Variants in VPS13B observed in about 807,000 individuals in gnomAD.
VPS13B encodes vacuolar protein sorting 13 homolog B, also known as intermembrane lipid transfer protein VPS13B.
In VPS13B, 285 loss-of-function variants were observed where a neutral mutation model predicts 426.4. The observed-to-expected ratio is 0.67, with a 90% CI of 0.61 to 0.74. The LOEUF is 0.74. Ranked by LOEUF, VPS13B falls within the 30% of genes least tolerant of loss-of-function variation. VPS13B has a pLI of 0.00. For synonymous variants in VPS13B, 1,676 were observed against 1,676.4 expected (o/e 1.00, Z 0.01); for missense variants, 4,537 against 4,782.6 (o/e 0.95, Z 1.51).
chr8:99,583,526 T>C (rs1588518506), intron 33 of VPS13B, among the ~76,000 whole-genome samples: 2 of 152,168 alleles, frequency 1.3e-5, no homozygotes, highest in East Asian at 3.9e-4. Context: ...TTTGGGGTGG[T>C]ATTTTACTGT....
Position 99,818,770 on chromosome 8 carries a change from C to T in VPS13B, c.8503C>T (p.His2835Tyr). The T allele has an allele frequency of 2.5e-6, 4 of 1,613,986 alleles. No individual in the cohort carries two copies. The highest frequency in any genetic ancestry group is 3.4e-6 in the Non-Finnish European group (4 of 1,179,928). Reference protein sequence around the residue: ...RSHLPDPIIIHLEKRSLGLSE... With the variant: ...RSHLPDPIIIYLEKRSLGLSE... ...TCATCTTCCAGACCCCATTATCATACATTTGGAGAAAAGGAGTCTGGGATT... is the reference window on the plus strand; with the variant it reads ...TCATCTTCCAGACCCCATTATCATATATTTGGAGAAAAGGAGTCTGGGATT... Residue 2835 changes from histidine to tyrosine, a missense_variant, in exon 47 of 62, where the codon CAT becomes TAT. By Grantham distance (83) the His-to-Tyr change is moderately conservative. Around this residue, in one of 2 missense-constraint regions of VPS13B, gnomAD observed 4,311 missense variants for 4,474.3 expected, o/e 0.96. Transcript: ENST00000357162.
At chr8:99,081,402 A>G (rs917545308) in intron 3 of VPS13B, among the ~76,000 whole-genome samples, 1 of 151,772 alleles carries the variant, frequency 6.6e-6, no homozygotes, top group Non-Finnish European at 1.5e-5. Context: ...TTTTCTTTTT[A>G]TTGGAAATCT....
chr8:99,268,522 C>A (rs1201206970), intron 17 of VPS13B, among the ~76,000 whole-genome samples: 1 of 152,202 alleles, frequency 6.6e-6, no homozygotes, highest in African/African-American at 2.4e-5. Context: ...CATTTTGGAA[C>A]TTTAAGATTT....
intron 17 of VPS13B, 67 bp from the exon 18 acceptor site, chr8:99,274,131 T>G: frequency 1.2e-6 from 2 of 1,602,386 alleles, no homozygotes; most frequent in Non-Finnish European, 1.7e-6. Flanking sequence ...TTTAAATGCC[T>G]TGGTGAAGGA....
At chr8:99,067,203 T>C (rs1335381458) in intron 3 of VPS13B, among the ~76,000 whole-genome samples, 1 of 152,168 alleles carries the variant, frequency 6.6e-6, no homozygotes, top group African/African-American at 2.4e-5. Context: ...GGTATGTTTA[T>C]TGGGGCACTA....
At chr8:99,029,442 T>C (rs1055662456) in intron 2 of VPS13B, among the ~76,000 whole-genome samples, 3 of 151,784 alleles carry the variant, frequency 2.0e-5, no homozygotes, top group African/African-American at 7.3e-5. Context: ...GAGGTGGTTG[T>C]AGCGAGCCGA....
chr8:99,143,175 T>C lies in VPS13B; in HGVS notation c.1843+10T>C, dbSNP rs371154826. On this transcript the variant is annotated intron_variant, in intron 13 of 61. Transcript: ENST00000357162. ...AGCAGGCTAAAATCAGGTTTGTTTCTGGATTAATTTTGAATCTTTTGCCAT... is the reference window on the plus strand; with the variant it reads ...AGCAGGCTAAAATCAGGTTTGTTTCCGGATTAATTTTGAATCTTTTGCCAT... 1.6e-4 allele frequency: 258 copies of C among 1,613,844 alleles called. No individual in the cohort carries two copies. Among genetic ancestry groups the C allele is most frequent in the Non-Finnish European group, 2.1e-4 (247 of 1,179,906 alleles).
chr8:99,752,514 A>G (rs1340808523), intron 39 of VPS13B, among the ~76,000 whole-genome samples: 1 of 152,242 alleles, frequency 6.6e-6, no homozygotes, highest in Non-Finnish European at 1.5e-5. Context: ...GTTGCAACAG[A>G]GACCACGTGG....
intron 23 of VPS13B, among the ~76,000 whole-genome samples, chr8:99,462,927 G>C (rs763034444): frequency 2.0e-5 from 3 of 152,136 alleles, no homozygotes; most frequent in Admixed American, 6.5e-5. Context: ...CTTGATACTA[G>C]AACTCCCAGA....
At chr8:99,527,122 C>T (rs1327440785) in intron 30 of VPS13B, among the ~76,000 whole-genome samples, 1 of 151,466 alleles carries the variant, frequency 6.6e-6, no homozygotes, top group Non-Finnish European at 1.5e-5. Flanking sequence ...ATTAAATATC[C>T]TCCATTCTCA....
chr8:99,121,443 A>C lies in VPS13B; in HGVS notation c.1204A>C (p.Lys402Gln). 6.2e-7 allele frequency: 1 copy of C among 1,614,152 alleles called. No homozygotes were observed. Among genetic ancestry groups the C allele is most frequent in the Middle Eastern group, 1.7e-4 (1 of 6,060 alleles). Reference sequence around the variant, plus strand: ...TTGCACAAAGGCAACGGTGACTTTCAAAGTAGGTCTTTTCTCTTGCTGTTT... The same window carrying C: ...TTGCACAAAGGCAACGGTGACTTTCCAAGTAGGTCTTTTCTCTTGCTGTTT... ...FYCTKATVTF[K>Q]LTEMQVESSY... The change falls in exon 8 of 62, where the codon AAA (lysine) becomes CAA (glutamine). Residue 402 changes from lysine (K) to glutamine (Q), a missense_variant and splice_region_variant. Lys to Gln is a moderately conservative substitution (Grantham distance 53). Transcript: ENST00000357162.
intron 25 of VPS13B, among the ~76,000 whole-genome samples, chr8:99,501,335 G>A (rs919704556): frequency 2.6e-5 from 4 of 152,128 alleles, no homozygotes; most frequent in Non-Finnish European, 4.4e-5. Flanking sequence ...ATTTGGCTGT[G>A]ATCTAGTAAA....
chr8:99,144,983 A>G (rs1479701548), intron 13 of VPS13B, among the ~76,000 whole-genome samples: 1 of 152,188 alleles, frequency 6.6e-6, no homozygotes, highest in Non-Finnish European at 1.5e-5. Context: ...GATGTAACGG[A>G]GTGAATCATG....
rs1810250858 is a variant in VPS13B, at chr8:99,139,197, G to A, written c.1651+2445G>A. On this transcript the variant is annotated intron_variant, in intron 12 of 61. Transcript: ENST00000357162. ...ATAGGACATTGTTAGCATCCAGTAA[G>A]CCTCCTATGTGTTTCTTTTCTACCA... 2.6e-5 allele frequency among the ~76,000 whole-genome samples: 4 copies of A among 152,184 alleles called. No individual in the cohort carries two copies. In the South Asian group the frequency reaches 6.2e-4, roughly 24 times the overall value.
At chr8:99,103,177 C>A (rs931910921) in intron 5 of VPS13B, 57 bp downstream of exon 5, 61 of 1,588,306 alleles carry the variant, frequency 3.8e-5, no homozygotes, top group Non-Finnish European at 5.1e-5. Flanking sequence ...ATTACCTTAA[C>A]TCTTAACCCT....
chr8:99,390,070 G>A (rs1402139048), intron 20 of VPS13B, among the ~76,000 whole-genome samples: 1 of 151,506 alleles, frequency 6.6e-6, no homozygotes, highest in Non-Finnish European at 1.5e-5. Flanking sequence ...TGATGCTTTC[G>A]ATAATTTATT....
intron 23 of VPS13B, among the ~76,000 whole-genome samples, chr8:99,455,118 G>C (rs1818386105): frequency 6.6e-6 from 1 of 152,066 alleles, no homozygotes; most frequent in Admixed American, 6.6e-5. Flanking sequence ...GTAAAGTCCA[G>C]CTTATCAGTT....
At chr8:99,581,922 C>T (rs1826081737) in intron 33 of VPS13B, among the ~76,000 whole-genome samples, 1 of 152,204 alleles carries the variant, frequency 6.6e-6, no homozygotes, top group Non-Finnish European at 1.5e-5. Flanking sequence ...TGACATCTGG[C>T]TCTAGAGGAC....
intron 33 of VPS13B, among the ~76,000 whole-genome samples, chr8:99,615,117 CAAA>C (rs747102670): frequency 8.5e-5 from 5 of 58,610 alleles, no homozygotes; most frequent in Admixed American, 3.5e-4. Context: ...AACTCCGTCT[CAAA>C]AAAAAAAAAA....
Sources: gnomAD v4.1 joint callset for allele counts (sites outside exome capture counted in the v4.1 genomes callset) on GRCh38, gnomAD v4.1.1 for gene constraint, gnomAD v4.1.1 regional missense constraint, MANE v1.5 for transcripts, NCBI Gene and HGNC (gene_info 2026-07-23, HGNC 2026-07-21) for gene names.